The following NKAIN2 variants were observed in gnomAD, a reference collection of about 807,000 sequenced individuals.
NKAIN2 encodes sodium/potassium transporting ATPase interacting 2, also known as sodium/potassium-transporting ATPase subunit beta-1-interacting protein 2.
Under a neutral mutation model 32.6 loss-of-function variants are expected in NKAIN2, and 14 were observed. That is an observed-to-expected ratio of 0.43 (90% CI 0.28 to 0.67). The LOEUF (loss-of-function observed/expected upper bound fraction) is 0.67, where lower values mean the gene tolerates loss of function less well. Ranked by LOEUF, NKAIN2 falls within the 30% of genes least tolerant of loss-of-function variation. The pLI, the probability that NKAIN2 is intolerant of heterozygous loss-of-function variation, is 0.17. For synonymous variants in NKAIN2, 80 were observed against 87.2 expected (o/e 0.92, Z 0.46); for missense variants, 198 against 258.3 (o/e 0.77, Z 1.60).
rs531003000 is a variant in NKAIN2 at position 124,526,781 on chromosome 6, G to A, written c.274-131405G>A. Among the ~76,000 whole-genome samples, 4 of 152,256 alleles carry A rather than the reference G, an allele frequency of 2.6e-5. No homozygotes were observed. The East Asian group carries it at 7.7e-4, about 29-fold the overall frequency. On this transcript the variant is annotated intron_variant, in intron 3 of 6. Coordinates refer to ENST00000368417, the MANE Select transcript of NKAIN2 (RefSeq NM_001040214.3). ...AACATTATTTATGAGTCAAAGAAAT[G>A]TCGAAGCTAGTGTTATTTTTTTTAC...
intron 1 of NKAIN2, among the ~76,000 whole-genome samples, chr6:124,009,688 C>CTAA (rs958517013): frequency 5.9e-5 from 9 of 152,060 alleles, no homozygotes; most frequent in Non-Finnish European, 1.3e-4. Flanking sequence ...GCAGACTTTC[C>CTAA]TAATTCTAAG....
intron 4 of NKAIN2, among the ~76,000 whole-genome samples, chr6:124,759,789 G>A (rs1778172274): frequency 6.6e-6 from 1 of 151,854 alleles, no homozygotes; most frequent in South Asian, 2.1e-4. Context: ...GGGAGGTGGA[G>A]CCTAATGAGA....
In NKAIN2 at chr6:124,506,466, C is replaced by T. The variant is rs560188214; in HGVS notation, c.273+151119C>T. On this transcript the variant is annotated intron_variant, in intron 3 of 6. Coordinates refer to ENST00000368417, the MANE Select transcript of NKAIN2 (RefSeq NM_001040214.3). ...AGAATGGATTGGGCTCATCCCCGAA[C>T]GGTCAGTGAGTTGAAGAGCTATTAA... is the stretch of plus-strand genomic sequence containing the variant. Among the ~76,000 whole-genome samples the T allele has an allele frequency of 2.6e-5, 4 of 152,292 alleles. No homozygotes were observed. In the East Asian group the frequency reaches 7.7e-4, roughly 30 times the overall value.
At chr6:124,007,790 A>G (rs908674509) in intron 1 of NKAIN2, among the ~76,000 whole-genome samples, 40 of 152,298 alleles carry the variant, frequency 2.6e-4, no homozygotes, top group African/African-American at 9.4e-4. Context: ...ACTGGTGCAC[A>G]TTTTAATAAT....
At chr6:124,410,446 A>G (rs1774106079) in intron 3 of NKAIN2, among the ~76,000 whole-genome samples, 2 of 152,194 alleles carry the variant, frequency 1.3e-5, no homozygotes, top group South Asian at 4.2e-4. Flanking sequence ...TCATTTCGTT[A>G]TGTACCCAGT....
At chr6:124,613,581 A>G (rs1782773774) in intron 3 of NKAIN2, among the ~76,000 whole-genome samples, 1 of 152,164 alleles carries the variant, frequency 6.6e-6, no homozygotes, top group African/African-American at 2.4e-5. Flanking sequence ...TGCCATTTAG[A>G]ACATAAATCA....
At chr6:124,457,969 ATTGCT>A (rs1776386431) in intron 3 of NKAIN2, among the ~76,000 whole-genome samples, 1 of 151,934 alleles carries the variant, frequency 6.6e-6, no homozygotes, top group Non-Finnish European at 1.5e-5. Flanking sequence ...TGCTAAAGAG[ATTGCT>A]TTGTTATTTT....
At chr6:124,330,506 A>G (rs1583059063) in intron 2 of NKAIN2, among the ~76,000 whole-genome samples, 1 of 152,180 alleles carries the variant, frequency 6.6e-6, no homozygotes, top group South Asian at 2.1e-4. Flanking sequence ...GTAGCCTTGT[A>G]CCTCCACATC....
chr6:123,890,656 A>G (rs1582723703), intron 1 of NKAIN2, among the ~76,000 whole-genome samples: 2 of 152,260 alleles, frequency 1.3e-5, no homozygotes, highest in African/African-American at 4.8e-5. Context: ...AAAACAAAAC[A>G]AAAAATACAG....
chr6:123,820,394 C>G (rs1773874027), intron 1 of NKAIN2, among the ~76,000 whole-genome samples: 1 of 152,176 alleles, frequency 6.6e-6, no homozygotes, highest in African/African-American at 2.4e-5. Context: ...ATTAAAAGGA[C>G]AGAAGATAAC....
chr6:124,190,370 C>T (rs1789955354), intron 1 of NKAIN2, among the ~76,000 whole-genome samples: 1 of 152,156 alleles, frequency 6.6e-6, no homozygotes, highest in Admixed American at 6.5e-5. Context: ...GTGAGAAATT[C>T]CAACCTTGGC....
chr6:123,978,481 CA>C (rs1778743897), intron 1 of NKAIN2, among the ~76,000 whole-genome samples: 1 of 152,118 alleles, frequency 6.6e-6, no homozygotes, highest in African/African-American at 2.4e-5. Context: ...AGTGCAAATT[CA>C]TACATCAAAA....
Position 124,658,246 on chromosome 6 carries a change from G to C in NKAIN2, c.334G>C (p.Gly112Arg). Residue 112 changes from glycine to arginine, a missense_variant, in exon 4 of 7, where the codon GGA becomes CGA. Coordinates refer to ENST00000368417, the MANE Select transcript of NKAIN2 (RefSeq NM_001040214.3). ...SMHRSWWMEN[G>R]PGCTVTSVTP... ...GCACCGATCTTGGTGGATGGAGAATGGACCAGGATGTACGGTGACGTCAGT... is the reference window on the plus strand; with the variant it reads ...GCACCGATCTTGGTGGATGGAGAATCGACCAGGATGTACGGTGACGTCAGT... 6.2e-7 allele frequency: 1 copy of C among 1,614,018 alleles called. No individual in the cohort carries two copies. Among genetic ancestry groups the C allele is most frequent in the Non-Finnish European group, 8.5e-7 (1 of 1,179,942 alleles).
intron 1 of NKAIN2, among the ~76,000 whole-genome samples, chr6:123,875,491 C>T (rs1032641055): frequency 6.6e-6 from 1 of 151,888 alleles, no homozygotes; most frequent in Admixed American, 6.6e-5. Flanking sequence ...TTTACACATG[C>T]TTCTTATTAG....
chr6:123,960,694 C>T (rs776578467), intron 1 of NKAIN2, among the ~76,000 whole-genome samples: 1 of 151,694 alleles, frequency 6.6e-6, no homozygotes, highest in Non-Finnish European at 1.5e-5. Flanking sequence ...TAGGTGGAAG[C>T]AGGCCCCCAG....
intron 4 of NKAIN2, among the ~76,000 whole-genome samples, chr6:124,677,634 T>TC (rs1434166551): frequency 3.3e-5 from 5 of 152,218 alleles, no homozygotes; most frequent in African/African-American, 1.2e-4. Flanking sequence ...ATGTTACTGA[T>TC]GTCATAAATT....
chr6:124,373,896 G>T (rs1396724729), intron 3 of NKAIN2, among the ~76,000 whole-genome samples: 1 of 152,116 alleles, frequency 6.6e-6, no homozygotes, highest in African/African-American at 2.4e-5. Flanking sequence ...TTTTCATGAG[G>T]TCTTGTAGTA....
chr6:124,533,072 T>C (rs1450965730), intron 3 of NKAIN2, among the ~76,000 whole-genome samples: 1 of 152,156 alleles, frequency 6.6e-6, no homozygotes, highest in East Asian at 1.9e-4. Context: ...AGGTTGTTTG[T>C]TGTGTAGGAG....
intron 1 of NKAIN2, among the ~76,000 whole-genome samples, chr6:123,878,657 GT>G (rs1267424632): frequency 6.6e-6 from 1 of 151,866 alleles, no homozygotes; most frequent in African/African-American, 2.4e-5. Flanking sequence ...TTGAATTATT[GT>G]TTATCTTCGG....
Sources: gnomAD v4.1 joint callset for allele counts (sites outside exome capture counted in the v4.1 genomes callset) on GRCh38, gnomAD v4.1.1 for gene constraint, MANE v1.5 for transcripts, NCBI Gene and HGNC (gene_info 2026-07-23, HGNC 2026-07-21) for gene names.